CRPPA: variants seen among roughly 807,000 people sequenced by gnomAD.
CRPPA encodes CDP-L-ribitol pyrophosphorylase A.
Under a neutral mutation model 52.0 loss-of-function variants are expected in CRPPA, and 43 were observed. The observed-to-expected ratio is 0.83, with a 90% confidence interval of 0.65 to 1.07. CRPPA has a LOEUF of 1.07. CRPPA is among the 50% of genes least tolerant of loss of function. The pLI is 0.00. For synonymous variants in CRPPA, 250 were observed against 203.5 expected, an observed-to-expected ratio of 1.23 and a Z score of -1.94; for missense variants, 629 against 551.7, an observed-to-expected ratio of 1.14 and a Z score of -1.40.
chr7:16,237,023 T>G (rs1228163078), intron 8 of CRPPA, among the ~76,000 whole-genome samples: 1 of 152,040 alleles, frequency 6.6e-6, no homozygotes, highest in Non-Finnish European at 1.5e-5. Flanking sequence ...CCAAAAAATC[T>G]GGGATCTTCA....
At position 16,398,543 on chromosome 7, in the gene CRPPA, T is replaced by A. The variant is rs1371993603; in HGVS notation, c.534+7518A>T. ...TCCAAAATGTGACAAATGATCGACA[T>A]AAGTGACACGTGATCGTCAAGTGAT... On this transcript the variant is annotated intron_variant, in intron 2 of 9. Transcript: ENST00000407010. 3.9e-5 allele frequency among the ~76,000 whole-genome samples: 6 copies of A among 152,070 alleles called. No homozygotes were observed. The East Asian group carries it at 1.2e-3, about 29-fold the overall frequency.
chr7:16,172,372 G>C (rs1390790921), intron 9 of CRPPA, among the ~76,000 whole-genome samples: 1 of 152,066 alleles, frequency 6.6e-6, no homozygotes, highest in Non-Finnish European at 1.5e-5. Context: ...TGAGGATTGG[G>C]TGGCAAAGGA....
intron 2 of CRPPA, among the ~76,000 whole-genome samples, chr7:16,397,673 C>T (rs556019041): frequency 5.1e-4 from 75 of 146,158 alleles, no homozygotes; most frequent in Admixed American, 2.0e-3. Flanking sequence ...AAGACGTCAC[C>T]GACAAACACG....
intron 3 of CRPPA, among the ~76,000 whole-genome samples, chr7:16,317,026 T>G (rs999258106): frequency 6.6e-6 from 1 of 152,196 alleles, no homozygotes; most frequent in Non-Finnish European, 1.5e-5. Flanking sequence ...AATAGTAATT[T>G]AAAGCAATGT....
At chr7:16,400,930 C>G (rs1043478199) in intron 2 of CRPPA, among the ~76,000 whole-genome samples, 1 of 152,180 alleles carries the variant, frequency 6.6e-6, no homozygotes, top group Non-Finnish European at 1.5e-5. Flanking sequence ...AGCTTTTATG[C>G]CTTGTCTCCA....
chr7:16,287,664 G>A (rs1268937491), intron 5 of CRPPA, among the ~76,000 whole-genome samples: 3 of 152,168 alleles, frequency 2.0e-5, no homozygotes, highest in African/African-American at 7.2e-5. Flanking sequence ...GCTCACACCT[G>A]TAATCCCAGC....
At chr7:16,150,072 T>C (rs754913137) in intron 9 of CRPPA, among the ~76,000 whole-genome samples, 2 of 152,032 alleles carry the variant, frequency 1.3e-5, no homozygotes, top group Non-Finnish European at 2.9e-5. Flanking sequence ...ATTGAGACAT[T>C]ATGTGTACAA....
intron 8 of CRPPA, among the ~76,000 whole-genome samples, chr7:16,254,808 A>G (rs567320034): frequency 5.0e-4 from 72 of 143,610 alleles, no homozygotes; most frequent in Middle Eastern, 3.5e-3. Flanking sequence ...AAAGAAAGAA[A>G]GAAAGAAAGA....
Position 16,281,332 on chromosome 7 carries a change from C to T in CRPPA, c.836-3106G>A, listed in dbSNP as rs951743508. Among the ~76,000 whole-genome samples, 7 of 152,004 alleles carry T rather than the reference C, an allele frequency of 4.6e-5. No individual in the cohort carries two copies. In the East Asian group the frequency reaches 1.3e-3, roughly 29 times the overall value. On this transcript the variant is annotated intron_variant, in intron 5 of 9. Coordinates refer to ENST00000407010, the MANE Select transcript of CRPPA (RefSeq NM_001101426.4). ...CCACTTATAAATTGATTTTTAATTT[C>T]CTATTTGTTGTTATGTATAAAAATA...
intron 9 of CRPPA, among the ~76,000 whole-genome samples, chr7:16,114,872 G>T (rs1175651070): frequency 1.3e-5 from 2 of 150,960 alleles, no homozygotes. Context: ...AAATCCACAA[G>T]AAATTAATAA....
At chr7:16,197,246 G>A (rs1781759888) in intron 9 of CRPPA, among the ~76,000 whole-genome samples, 2 of 152,210 alleles carry the variant, frequency 1.3e-5, no homozygotes. Context: ...ACAAGTATAT[G>A]TGATTTAAGT....
At chr7:16,350,786 T>C (rs1045914767) in intron 3 of CRPPA, among the ~76,000 whole-genome samples, 5 of 152,136 alleles carry the variant, frequency 3.3e-5, no homozygotes, top group Non-Finnish European at 7.4e-5. Flanking sequence ...CTAAATGCAC[T>C]GAATGATCTA....
At chr7:16,270,779 G>A (rs79184364) in intron 6 of CRPPA, among the ~76,000 whole-genome samples, 10,445 of 152,088 alleles carry the variant, frequency 0.069, 445 homozygotes, top group East Asian at 0.15. Context: ...GTATATTCAC[G>A]CTAAAATATA....
chr7:16,170,081 C>T (rs114784704), intron 9 of CRPPA, among the ~76,000 whole-genome samples: 342 of 151,996 alleles, frequency 2.3e-3, no homozygotes, highest in African/African-American at 7.8e-3. Context: ...AAATAAAAGA[C>T]GATTATAAAC....
intron 9 of CRPPA, among the ~76,000 whole-genome samples, chr7:16,140,674 G>A (rs1782852594): frequency 6.6e-6 from 1 of 152,132 alleles, no homozygotes; most frequent in African/African-American, 2.4e-5. Flanking sequence ...CTAATTCACA[G>A]GAGACTTTCA....
At chr7:16,170,640 C>T (rs1409603545) in intron 9 of CRPPA, among the ~76,000 whole-genome samples, 1 of 152,220 alleles carries the variant, frequency 6.6e-6, no homozygotes, top group Non-Finnish European at 1.5e-5. Context: ...CTTTTATTAC[C>T]TTATCTGTCA....
chr7:16,179,210 CT>C (rs1219405189), intron 9 of CRPPA, among the ~76,000 whole-genome samples: 1 of 152,120 alleles, frequency 6.6e-6, no homozygotes, highest in Non-Finnish European at 1.5e-5. Flanking sequence ...CATTGAATTT[CT>C]TTTTGTTCTA....
At chr7:16,410,740 G>T (rs767455550) in intron 1 of CRPPA, among the ~76,000 whole-genome samples, 2 of 152,036 alleles carry the variant, frequency 1.3e-5, no homozygotes, top group Non-Finnish European at 2.9e-5. Flanking sequence ...TGAAGGGAAG[G>T]CATCTCTCAT....
chr7:16,381,288 T>C (rs1055173732), intron 2 of CRPPA, among the ~76,000 whole-genome samples: 2 of 152,166 alleles, frequency 1.3e-5, no homozygotes, highest in Admixed American at 6.5e-5. Flanking sequence ...AGTTTCCATG[T>C]AGTTGAGTGG....
Sources: allele counts gnomAD v4.1 joint callset (sites outside exome capture counted in the v4.1 genomes callset), GRCh38; gene constraint gnomAD v4.1.1; transcripts MANE v1.5; gene names NCBI Gene and HGNC (gene_info 2026-07-23, HGNC 2026-07-21).